SLCO3A1: variants seen among roughly 807,000 people sequenced by gnomAD.
The protein encoded by SLCO3A1 is solute carrier organic anion transporter family member 3A1.
Under a neutral mutation model 63.1 loss-of-function variants are expected in SLCO3A1, and 27 were observed. The observed-to-expected ratio is 0.43, with a 90% CI of 0.32 to 0.59. SLCO3A1 has a LOEUF of 0.59. SLCO3A1 is among the 20% of genes least tolerant of loss of function. The pLI is 0.09. For synonymous variants in SLCO3A1, 473 were observed against 409.9 expected (o/e 1.15, Z -1.86); for missense variants, 773 against 945.8 (o/e 0.82, Z 2.40).
intron 7 of SLCO3A1, among the ~76,000 whole-genome samples, chr15:92,145,962 C>CA (rs5814520): frequency 0.39 from 59,096 of 151,716 alleles, 11,980 homozygotes; most frequent in African/African-American, 0.5. Flanking sequence ...TCAGAAAACC[C>CA]TATCTCTGTG....
chr15:92,010,950 C>T (rs192357674), intron 2 of SLCO3A1, among the ~76,000 whole-genome samples: 25 of 152,354 alleles, frequency 1.6e-4, no homozygotes, highest in South Asian at 8.3e-4. Flanking sequence ...TGGATCTTCA[C>T]AGTAGCCATC....
intron 2 of SLCO3A1, among the ~76,000 whole-genome samples, chr15:92,092,767 C>T (rs1257267591): frequency 6.6e-6 from 1 of 152,194 alleles, no homozygotes; most frequent in Non-Finnish European, 1.5e-5. Context: ...TTTCCAGTAA[C>T]ATCCCCTGCC....
In SLCO3A1 at chr15:92,157,430, C is replaced by CA. The variant is rs555920798; in HGVS notation, c.1754-5326_1754-5325insA. ...GGACACTAAAGTACACCTGGCCCCC[C>CA]CCCTTGTCCTCCCTTCTGGACACAC... On this transcript the variant is annotated intron_variant, in intron 9 of 9. Transcript: ENST00000318445. 1.6e-3 allele frequency among the ~76,000 whole-genome samples: 245 copies of CA among 152,228 alleles called. 1 individual carries two copies. Among genetic ancestry groups the CA allele is most frequent in the African/African-American group, 5.6e-3 (232 of 41,522 alleles).
At chr15:92,135,428 C>T (rs2048045550) in intron 7 of SLCO3A1, among the ~76,000 whole-genome samples, 1 of 152,200 alleles carries the variant, frequency 6.6e-6, no homozygotes, top group Non-Finnish European at 1.5e-5. Flanking sequence ...TTCTCCCTGG[C>T]CATTATTCTT....
intron 2 of SLCO3A1, among the ~76,000 whole-genome samples, chr15:92,069,096 G>GCCCCCCC (rs56003783): frequency 1.7e-5 from 2 of 115,740 alleles, no homozygotes; most frequent in Non-Finnish European, 1.8e-5. Flanking sequence ...GGCTCCCCCC[G>GCCCCCCC]CCCCCCCCCC....
intron 2 of SLCO3A1, among the ~76,000 whole-genome samples, chr15:91,973,563 G>A (rs192094825): frequency 9.8e-4 from 150 of 152,348 alleles, no homozygotes; most frequent in Admixed American, 1.4e-3. Flanking sequence ...TTGAGTGAGC[G>A]ATTGCAGGAT....
chr15:92,047,557 TAA>T (rs869279437), intron 2 of SLCO3A1, among the ~76,000 whole-genome samples: 7,165 of 26,524 alleles, frequency 0.27, 2,592 homozygotes, highest in African/African-American at 0.58. Context: ...TATAAATATA[TAA>T]ATATATATAT....
intron 9 of SLCO3A1, among the ~76,000 whole-genome samples, chr15:92,158,504 G>A (rs74028852): frequency 0.018 from 2,669 of 152,294 alleles, 82 homozygotes; most frequent in African/African-American, 0.061. Context: ...TAATGGATGT[G>A]GAGCACTCTA....
At chr15:92,012,742 T>TAA (rs33945478) in intron 2 of SLCO3A1, among the ~76,000 whole-genome samples, 3 of 126,694 alleles carry the variant, frequency 2.4e-5, no homozygotes, top group Non-Finnish European at 3.3e-5. Flanking sequence ...GTCTCTAATT[T>TAA]AAAAAAAAAA....
chr15:92,088,786 G>A (rs1365789424), intron 2 of SLCO3A1, among the ~76,000 whole-genome samples: 1 of 152,020 alleles, frequency 6.6e-6, no homozygotes, highest in East Asian at 1.9e-4. Flanking sequence ...TTTCTGACTC[G>A]GACTCCCTCT....
chr15:91,958,051 ATTGT>A (rs768730470), intron 2 of SLCO3A1, among the ~76,000 whole-genome samples: 4 of 152,200 alleles, frequency 2.6e-5, no homozygotes, highest in Non-Finnish European at 4.4e-5. Flanking sequence ...TATTGGAAAA[ATTGT>A]TTGGAGATTT....
intron 5 of SLCO3A1, among the ~76,000 whole-genome samples, chr15:92,125,825 T>A (rs1008992447): frequency 6.6e-6 from 1 of 151,844 alleles, no homozygotes; most frequent in Non-Finnish European, 1.5e-5. Flanking sequence ...GACAGGTGCG[T>A]GCACTTAGAT....
chr15:92,161,142 C>T (rs1232569314), intron 9 of SLCO3A1, among the ~76,000 whole-genome samples: 1 of 152,202 alleles, frequency 6.6e-6, no homozygotes, highest in Non-Finnish European at 1.5e-5. Flanking sequence ...GAGATCACTT[C>T]CTCCTCCTGC....
At position 91,931,788 on chromosome 15, in the gene SLCO3A1, A is replaced by AACACACACACACACACACAC. The variant is rs112525299; in HGVS notation, c.646+15342_646+15343insACACACACACACACACACAC. Among the ~76,000 whole-genome samples the AACACACACACACACACACAC allele has an allele frequency of 1.1e-3, 152 of 144,206 alleles. 3 individuals are homozygous for AACACACACACACACACACAC. The highest frequency in any genetic ancestry group is 6.2e-3 in the East Asian group (30 of 4,802). 94.6% of individuals were successfully genotyped at this position (144,206 alleles called of 152,430 possible). ...GCCCGGCTGGTGTCTTAAGTGTGGA[A>AACACACACACACACACACAC]ACACACACACACGCACACACACACA... On this transcript the variant is annotated intron_variant, in intron 2 of 9. Transcript: ENST00000318445.
intron 2 of SLCO3A1, among the ~76,000 whole-genome samples, chr15:92,006,864 A>G (rs529240100): frequency 6.6e-6 from 1 of 152,220 alleles, no homozygotes; most frequent in African/African-American, 2.4e-5. Flanking sequence ...AAAGCCCCCA[A>G]ATGTATCCTT....
chr15:92,141,033 C>T (rs1440333058), intron 7 of SLCO3A1, among the ~76,000 whole-genome samples: 1 of 152,156 alleles, frequency 6.6e-6, no homozygotes, highest in East Asian at 1.9e-4. Flanking sequence ...AAGCCTGTTC[C>T]CCCTGTCCTC....
chr15:91,853,867 G>C lies in SLCO3A1; in HGVS notation c.-42G>C. 2 of 1,285,794 alleles carry C rather than the reference G, an allele frequency of 1.6e-6. No homozygotes were observed. The highest frequency in any genetic ancestry group is 2.0e-6 in the Non-Finnish European group (2 of 1,016,268). 79.6% of individuals were successfully genotyped at this position (1,285,794 alleles called of 1,614,324 possible). On this transcript the variant is annotated 5_prime_UTR_variant, in exon 1 of 10. Transcript: ENST00000318445. ...CGGCCCCGACACCCGGGGCGAGCGG[G>C]AAAGCGGCAGCGGCGGCGGCGGCGG...
chr15:92,083,483 C>T (rs569495571), intron 2 of SLCO3A1, among the ~76,000 whole-genome samples: 31 of 152,300 alleles, frequency 2.0e-4, no homozygotes, highest in Non-Finnish European at 4.0e-4. Context: ...TCTCCCTTCA[C>T]CACTCTCCCA....
At position 92,162,756 on chromosome 15, in the gene SLCO3A1, G is replaced by C; in HGVS notation, c.1754G>C (p.Gly585Ala). ...CTTAACATTCTTTTCCCGGTAACAGGCTTCATCCCTCCACCCCTCATCTTC... is the reference window on the plus strand; with the variant it reads ...CTTAACATTCTTTTCCCGGTAACAGCCTTCATCCCTCCACCCCTCATCTTC... ...GVLFLLLRLL[G>A]FIPPPLIFGA... Residue 585 changes from glycine (G) to alanine (A), a missense_variant and splice_region_variant, in exon 10 of 10, where the codon GGC becomes GCC. Gly to Ala is a moderately conservative substitution (Grantham distance 60). Transcript: ENST00000318445. 2 of 1,610,320 alleles carry C rather than the reference G, an allele frequency of 1.2e-6. No individual in the cohort carries two copies. The highest frequency in any genetic ancestry group is 8.5e-7 in the Non-Finnish European group (1 of 1,178,056).
Sources: gnomAD v4.1 joint callset for allele counts (sites outside exome capture counted in the v4.1 genomes callset) on GRCh38, gnomAD v4.1.1 for gene constraint, MANE v1.5 for transcripts, NCBI Gene and HGNC (gene_info 2026-07-23, HGNC 2026-07-21) for gene names.